Variants in PPP2R2B observed in about 807,000 individuals in gnomAD.
PPP2R2B encodes the protein protein phosphatase 2 regulatory subunit Bbeta.
A neutral mutation model predicts 46.0 loss-of-function variants in PPP2R2B; 5 were observed. The ratio of observed to expected loss-of-function variants is 0.11; its 90% CI spans 0.06 to 0.23. PPP2R2B has a LOEUF of 0.23. PPP2R2B is among the 10% of genes least tolerant of loss of function. PPP2R2B has a pLI of 1.00. For missense variants in PPP2R2B, 367 were observed against 575.0 expected (o/e 0.64, Z 3.70); for synonymous variants, 215 against 206.7 (o/e 1.04, Z -0.34).
chr5:146,738,116 G>A (rs1476706768), intron 2 of PPP2R2B, among the ~76,000 whole-genome samples: 1 of 151,998 alleles, frequency 6.6e-6, no homozygotes, highest in East Asian at 1.9e-4. Context: ...TTAGCTTCGG[G>A]CTGGGCGCGG....
rs146981421 is a variant in PPP2R2B at position 146,760,473 on chromosome 5, A to T, written c.71-59331T>A. Among the ~76,000 whole-genome samples the T allele has an allele frequency of 2.6e-5, 4 of 152,286 alleles. No homozygotes were observed. In the East Asian group the frequency reaches 7.7e-4, roughly 29 times the overall value. Reference sequence around the variant, plus strand: ...TGAAATGAACTCTCTGCTCTCCAGCAACTCATACTCTTGCTGGAAAAGACA... The same window carrying T: ...TGAAATGAACTCTCTGCTCTCCAGCTACTCATACTCTTGCTGGAAAAGACA... On this transcript the variant is annotated intron_variant, in intron 2 of 9. Transcript: ENST00000394411.
chr5:146,659,781 G>A (rs1776566045), intron 5 of PPP2R2B, among the ~76,000 whole-genome samples: 1 of 152,144 alleles, frequency 6.6e-6, no homozygotes, highest in African/African-American at 2.4e-5. Context: ...ATTGTCCCTG[G>A]ATGTCAGCTG....
At chr5:146,737,229 G>A (rs536445344) in intron 2 of PPP2R2B, among the ~76,000 whole-genome samples, 1 of 152,284 alleles carries the variant, frequency 6.6e-6, no homozygotes, top group East Asian at 1.9e-4. Context: ...GTCCTGATTA[G>A]GACAAGTGCC....
chr5:146,591,424 G>C (rs916036081), intron 9 of PPP2R2B, among the ~76,000 whole-genome samples: 2 of 152,096 alleles, frequency 1.3e-5, no homozygotes, highest in Non-Finnish European at 2.9e-5. Context: ...CACCTTGTCA[G>C]GCAGGGCGCT....
intron 1 of PPP2R2B, among the ~76,000 whole-genome samples, chr5:146,966,470 C>T (rs572980645): frequency 2.0e-5 from 3 of 152,188 alleles, no homozygotes; most frequent in South Asian, 2.1e-4. Context: ...TCTTACACTG[C>T]GGCTATGTGA....
Position 146,583,424 on chromosome 5 carries a change from TATCTC to T in PPP2R2B, c.*6518_*6522del, listed in dbSNP as rs1769993865. On this transcript the variant is annotated 3_prime_UTR_variant, in exon 10 of 10. Coordinates refer to ENST00000394411, the MANE Select transcript of PPP2R2B (RefSeq NM_181675.4). ...ATGAGATAGATGTCGTTTTTATCCT[TATCTC>T]ATAATGAGAAAATCGAGGCACAGAG... The T allele has an allele frequency of 6.6e-6, 1 of 152,198 alleles. No homozygotes were observed. Among genetic ancestry groups the T allele is most frequent in the Non-Finnish European group, 1.5e-5 (1 of 68,022 alleles). The allele number at this position is 152,198 out of a possible 1,614,324, so 9.4% of individuals were successfully genotyped here.
intron 2 of PPP2R2B, among the ~76,000 whole-genome samples, chr5:146,769,385 T>C (rs1754697213): frequency 6.6e-6 from 1 of 152,222 alleles, no homozygotes; most frequent in Non-Finnish European, 1.5e-5. Flanking sequence ...CAGGTGATTC[T>C]GATACAGGCT....
intron 7 of PPP2R2B, among the ~76,000 whole-genome samples, chr5:146,602,593 T>C (rs897184201): frequency 3.3e-5 from 5 of 152,324 alleles, no homozygotes; most frequent in Admixed American, 2.6e-4. Context: ...GCCTGCTCAA[T>C]GCACTCGCAT....
At chr5:146,901,218 A>G (rs975768360) in intron 1 of PPP2R2B, among the ~76,000 whole-genome samples, 3 of 152,162 alleles carry the variant, frequency 2.0e-5, no homozygotes, top group African/African-American at 7.2e-5. Flanking sequence ...CTGTACAAAT[A>G]AATTCAAACA....
At chr5:146,592,088 T>G (rs1449906940) in intron 9 of PPP2R2B, 3 of 438,238 alleles carry the variant, frequency 6.8e-6, no homozygotes, top group Non-Finnish European at 1.4e-5. Context: ...GGCTTCTTTT[T>G]CCCATGGTGG....
At chr5:146,838,213 C>T (rs1425873938) in intron 2 of PPP2R2B, among the ~76,000 whole-genome samples, 1 of 152,168 alleles carries the variant, frequency 6.6e-6, no homozygotes, top group Non-Finnish European at 1.5e-5. Flanking sequence ...GAGCTACTAA[C>T]ATCACCATTT....
At chr5:146,800,306 C>T (rs184531991) in intron 2 of PPP2R2B, among the ~76,000 whole-genome samples, 361 of 152,130 alleles carry the variant, frequency 2.4e-3, no homozygotes, top group African/African-American at 8.3e-3. Flanking sequence ...TAAATTATCT[C>T]ACTTCATCCT....
intron 2 of PPP2R2B, among the ~76,000 whole-genome samples, chr5:146,775,399 G>T (rs1360766483): frequency 6.6e-6 from 1 of 152,098 alleles, no homozygotes; most frequent in African/African-American, 2.4e-5. Flanking sequence ...CTATGTGATT[G>T]TCTCAATTGA....
chr5:146,812,792 T>TATATATATATATATATATATATAC (rs1757679066), intron 2 of PPP2R2B, among the ~76,000 whole-genome samples: 1 of 24,464 alleles, frequency 4.1e-5, no homozygotes, highest in Non-Finnish European at 6.6e-5. Flanking sequence ...TGTATATGTG[T>TATATATATATATATATATATATAC]GTATATATAT....
chr5:146,830,249 A>C (rs568450731), intron 2 of PPP2R2B, among the ~76,000 whole-genome samples: 44 of 152,342 alleles, frequency 2.9e-4, no homozygotes, highest in African/African-American at 1.0e-3. Flanking sequence ...CTAATCATAG[A>C]TATGCCATAG....
At chr5:146,847,511 C>T (rs1760078205) in intron 2 of PPP2R2B, among the ~76,000 whole-genome samples, 1 of 152,190 alleles carries the variant, frequency 6.6e-6, no homozygotes, top group South Asian at 2.1e-4. Context: ...GTGTCTGGTA[C>T]ATAGGTGCCT....
rs575792713 is a variant in PPP2R2B, at chr5:146,820,700, A to T, written c.70+57302T>A. Among the ~76,000 whole-genome samples the T allele has an allele frequency of 2.6e-5, 4 of 152,236 alleles. No homozygotes were observed. In the East Asian group the frequency reaches 7.8e-4, roughly 30 times the overall value. Reference sequence around the variant, plus strand: ...TTGCAACACTGATATCTCCATGTGGAACGTCAGGCTGCTCAAACTCACTGA... The same window carrying T: ...TTGCAACACTGATATCTCCATGTGGTACGTCAGGCTGCTCAAACTCACTGA... On this transcript the variant is annotated intron_variant, in intron 2 of 9. Transcript: ENST00000394411.
chr5:147,075,331 G>A (rs894247084), intron 2 of PPP2R2B, among the ~76,000 whole-genome samples: 1 of 152,088 alleles, frequency 6.6e-6, no homozygotes, highest in African/African-American at 2.4e-5. Context: ...TGTTTAGATG[G>A]CATCCTAACC....
intron 5 of PPP2R2B, among the ~76,000 whole-genome samples, chr5:146,672,448 G>A (rs1225973951): frequency 6.6e-6 from 1 of 152,068 alleles, no homozygotes; most frequent in Non-Finnish European, 1.5e-5. Flanking sequence ...CTAGAGAAAG[G>A]GGTAGAGTCT....
Sources: gnomAD v4.1 joint callset for allele counts (sites outside exome capture counted in the v4.1 genomes callset) on GRCh38, gnomAD v4.1.1 for gene constraint, MANE v1.5 for transcripts, NCBI Gene and HGNC (gene_info 2026-07-23, HGNC 2026-07-21) for gene names.